SHTN1: variants seen among roughly 807,000 people sequenced by gnomAD.
SHTN1 encodes shootin 1.
A neutral mutation model predicts 83.1 loss-of-function variants in SHTN1; 42 were observed. The observed-to-expected ratio is 0.51, with a 90% confidence interval of 0.39 to 0.65. SHTN1 has a LOEUF of 0.65. Among genes scored for constraint, SHTN1 ranks in the 30% least tolerant of loss-of-function variants. The probability of loss-of-function intolerance (pLI) is 0.00; values close to 1 mark genes in which losing one functional copy is unlikely to be tolerated. For missense variants in SHTN1, 622 were observed against 737.8 expected (o/e 0.84, Z 1.82); for synonymous variants, 224 against 247.7 (o/e 0.90, Z 0.90).
intron 2 of SHTN1, among the ~76,000 whole-genome samples, chr10:117,042,379 C>T (rs897636661): frequency 3.9e-5 from 6 of 152,156 alleles, no homozygotes; most frequent in African/African-American, 1.4e-4. Context: ...TGAGGTTCTC[C>T]TTATCCTCCT....
At chr10:117,072,912 C>G in intron 1 of SHTN1, among the ~76,000 whole-genome samples, 1 of 152,216 alleles carries the variant, frequency 6.6e-6, no homozygotes, top group South Asian at 2.1e-4. Context: ...TTAAGCTAAT[C>G]TGGGAGGCAC....
chr10:117,065,849 G>A (rs1852989905), intron 1 of SHTN1, among the ~76,000 whole-genome samples: 1 of 71,814 alleles, frequency 1.4e-5, no homozygotes, highest in Admixed American at 1.6e-4. Flanking sequence ...AGGAAGGAAG[G>A]AAGGAAAGGA....
chr10:117,085,319 C>T (rs1853334544), intron 1 of SHTN1, among the ~76,000 whole-genome samples: 2 of 152,158 alleles, frequency 1.3e-5, no homozygotes, highest in African/African-American at 4.8e-5. Flanking sequence ...ACTGGTCCCA[C>T]AAATTTTGAT....
At chr10:117,098,869 G>C (rs1346745621) in intron 1 of SHTN1, among the ~76,000 whole-genome samples, 1 of 152,054 alleles carries the variant, frequency 6.6e-6, no homozygotes, top group African/African-American at 2.4e-5. Flanking sequence ...AGCCCTGAAG[G>C]AGATAAAGAA....
At chr10:117,002,894 A>G (rs1851872821) in intron 1 of SHTN1, among the ~76,000 whole-genome samples, 1 of 152,224 alleles carries the variant, frequency 6.6e-6, no homozygotes, top group South Asian at 2.1e-4. Flanking sequence ...AAGGAAATAT[A>G]TCCTCTAAAA....
chr10:117,026,015 C>T (rs1852328039), intron 2 of SHTN1, among the ~76,000 whole-genome samples: 1 of 152,050 alleles, frequency 6.6e-6, no homozygotes, highest in African/African-American at 2.4e-5. Context: ...GGTAAGACTC[C>T]TTCAACTTGA....
At chr10:116,976,158 T>C (rs1462558582) in intron 2 of SHTN1, among the ~76,000 whole-genome samples, 1 of 152,122 alleles carries the variant, frequency 6.6e-6, no homozygotes, top group Non-Finnish European at 1.5e-5. Context: ...CTCTGTGAAA[T>C]GGAGCAGACA....
intron 1 of SHTN1, among the ~76,000 whole-genome samples, chr10:117,113,772 G>A (rs1005262654): frequency 1.3e-5 from 2 of 152,104 alleles, no homozygotes; most frequent in African/African-American, 4.8e-5. Flanking sequence ...GGGGATGGGC[G>A]CAGTGGATCA....
chr10:117,072,956 A>G (rs2133604489), intron 1 of SHTN1, among the ~76,000 whole-genome samples: 1 of 152,306 alleles, frequency 6.6e-6, no homozygotes, highest in Non-Finnish European at 1.5e-5. Flanking sequence ...AAGGAAATCC[A>G]AAAAATGATA....
chr10:116,951,868 A>C (rs780378399), intron 6 of SHTN1, 41 bp downstream of exon 6: 2 of 1,176,762 alleles, frequency 1.7e-6, no homozygotes, highest in Non-Finnish European at 2.5e-6. Context: ...AAACACCTTG[A>C]AAATGCTAAA....
intron 11 of SHTN1, among the ~76,000 whole-genome samples, chr10:116,924,386 T>C (rs528315720): frequency 8.5e-6 from 1 of 117,942 alleles, no homozygotes; most frequent in African/African-American, 2.6e-5. Context: ...GGAATTTATC[T>C]GTACTGCTCA....
chr10:116,974,113 T>G, intron 2 of SHTN1: 3 of 1,078,742 alleles, frequency 2.8e-6, no homozygotes, highest in Non-Finnish European at 3.4e-6. Context: ...AAAAAAGAAG[T>G]GGTAGCTGCC....
rs185501454 is a variant in SHTN1, at chr10:117,063,473, T to C, written c.-188-14963A>G. On this transcript the variant is annotated intron_variant, in intron 1 of 17. Coordinates refer to the SHTN1 transcript ENST00000392901. ...TTCCTGTAGTATTAATATCAGGTTA[T>C]CTCAATGGGCATGCATTGCTCTCTC... Among the ~76,000 whole-genome samples, 6 of 152,326 alleles carry C rather than the reference T, an allele frequency of 3.9e-5. No individual in the cohort carries two copies. In the East Asian group the frequency reaches 1.2e-3, roughly 29 times the overall value.
intron 16 of SHTN1, among the ~76,000 whole-genome samples, chr10:116,887,605 C>A (rs1335006905): frequency 6.6e-6 from 1 of 152,170 alleles, no homozygotes; most frequent in Non-Finnish European, 1.5e-5. Context: ...TATTCTCTGA[C>A]CCCTTCAGCA....
intron 16 of SHTN1, among the ~76,000 whole-genome samples, chr10:116,895,944 C>A (rs1233743888): frequency 6.6e-6 from 1 of 152,080 alleles, no homozygotes; most frequent in Non-Finnish European, 1.5e-5. Flanking sequence ...AATACAGTAA[C>A]AACAACACAG....
intron 2 of SHTN1, among the ~76,000 whole-genome samples, chr10:117,035,147 T>C (rs1491003410): frequency 6.6e-6 from 1 of 152,036 alleles, no homozygotes; most frequent in East Asian, 1.9e-4. Flanking sequence ...AAATAGACCA[T>C]TGGTACAGGA....
intron 1 of SHTN1, among the ~76,000 whole-genome samples, chr10:117,000,522 A>C (rs1244535118): frequency 1.3e-5 from 2 of 152,298 alleles, no homozygotes; most frequent in East Asian, 3.9e-4. Flanking sequence ...CTGTTAGCCC[A>C]AAAATTGCCC....
intron 9 of SHTN1, among the ~76,000 whole-genome samples, chr10:116,933,788 T>C (rs566434020): frequency 1.3e-5 from 2 of 152,336 alleles, no homozygotes; most frequent in African/African-American, 2.4e-5. Context: ...CCACCAACAG[T>C]GTAAAAGCAT....
chr10:117,094,185 A>C (rs1853474774), intron 1 of SHTN1, among the ~76,000 whole-genome samples: 1 of 152,182 alleles, frequency 6.6e-6, no homozygotes, highest in South Asian at 2.1e-4. Context: ...AAGACCTAAG[A>C]AATACCAAAA....
Sources: gnomAD v4.1 joint callset for allele counts (sites outside exome capture counted in the v4.1 genomes callset) on GRCh38, gnomAD v4.1.1 for gene constraint, MANE v1.5 for transcripts, NCBI Gene and HGNC (gene_info 2026-07-23, HGNC 2026-07-21) for gene names.